Variants in SYNPO2 observed in about 807,000 individuals in gnomAD.
The protein encoded by SYNPO2 is synaptopodin-2.
In SYNPO2, 56 loss-of-function variants were observed where a neutral mutation model predicts 85.0. That is an observed-to-expected ratio of 0.66 (90% CI 0.53 to 0.82). SYNPO2 has a LOEUF of 0.82. SYNPO2 is among the 40% of genes least tolerant of loss of function. The pLI, the probability that SYNPO2 is intolerant of heterozygous loss-of-function variation, is 0.00. For synonymous variants in SYNPO2, 602 were observed against 591.1 expected, an observed-to-expected ratio of 1.02 and a Z score of -0.27; for missense variants, 1,575 against 1,534.2, an observed-to-expected ratio of 1.03 and a Z score of -0.44.
chr4:118,878,878 C>G (rs764558987), intron 1 of SYNPO2, among the ~76,000 whole-genome samples: 7 of 152,222 alleles, frequency 4.6e-5, no homozygotes, highest in African/African-American at 4.8e-5. Flanking sequence ...CCTTTTCTGT[C>G]TTGTGGATGT....
chr4:118,879,081 G>A (rs1278954585), intron 1 of SYNPO2, among the ~76,000 whole-genome samples: 2 of 152,152 alleles, frequency 1.3e-5, no homozygotes, highest in African/African-American at 2.4e-5. Flanking sequence ...CACTGTTAAG[G>A]TGTGCCACTT....
chr4:118,870,994 C>G (rs1731789113), intron 1 of SYNPO2, among the ~76,000 whole-genome samples: 1 of 152,160 alleles, frequency 6.6e-6, no homozygotes, highest in Non-Finnish European at 1.5e-5. Context: ...CAAGTGACAC[C>G]CAAGACTGCA....
intron 3 of SYNPO2, among the ~76,000 whole-genome samples, chr4:119,028,581 C>T (rs1738079702): frequency 6.6e-6 from 1 of 152,094 alleles, no homozygotes; most frequent in African/African-American, 2.4e-5. Flanking sequence ...AGTTGTATAA[C>T]ACTAGTCAAA....
chr4:119,054,647 TG>T (rs1739155220), intron 4 of SYNPO2, among the ~76,000 whole-genome samples: 1 of 152,092 alleles, frequency 6.6e-6, no homozygotes, highest in African/African-American at 2.4e-5. Flanking sequence ...CGACTGAGTC[TG>T]GGGTCTTTAT....
At position 119,007,216 on chromosome 4, in the gene SYNPO2, G is replaced by GTATATATA. The variant is rs66895824; in HGVS notation, c.106-16192_106-16185dup. 6.6e-3 allele frequency among the ~76,000 whole-genome samples: 303 copies of GTATATATA among 46,180 alleles called. 7 individuals are homozygous for GTATATATA. The highest frequency in any genetic ancestry group is 0.02 in the Middle Eastern group (1 of 50). The allele number at this position is 46,180 out of a possible 152,430, so 30.3% of individuals were successfully genotyped here. ...ATTCCCAAAACAAAAAAGAACAAAG[G>GTATATATA]TATATATATATATATATATATATAT... On this transcript the variant is annotated intron_variant, in intron 1 of 4. Transcript: ENST00000307142.
intron 1 of SYNPO2, among the ~76,000 whole-genome samples, chr4:118,916,488 T>C (rs1037945136): frequency 2.0e-5 from 3 of 152,024 alleles, no homozygotes; most frequent in African/African-American, 4.8e-5. Flanking sequence ...TTTTCTTTTA[T>C]AGTTAATGGT....
Position 119,031,957 on chromosome 4 carries a change from C to T in SYNPO2, c.3182C>T (p.Ser1061Leu), listed in dbSNP as rs777275783. The T allele has an allele frequency of 1.2e-6, 2 of 1,614,256 alleles. No individual in the cohort carries two copies. The highest frequency in any genetic ancestry group is 1.7e-6 in the Non-Finnish European group (2 of 1,180,046). ...ATTCCCACCTCGCCAAAGCAAGAAT[C>T]AGCCTCATCATCTTATTTTGTGGCA... ...VGIPTSPKQESASSSYFVAPR... is the reference protein window; with the variant it reads ...VGIPTSPKQELASSSYFVAPR... Residue 1061 changes from serine (S) to leucine (L), a missense_variant, in exon 4 of 5, where the codon TCA becomes TTA. Ser to Leu is a moderately radical substitution (Grantham distance 145). This residue lies in a region of SYNPO2 where 1,508 missense variants were observed against 1,446.8 expected (regional missense o/e 1.04). Coordinates refer to ENST00000307142, the MANE Select transcript of SYNPO2 (RefSeq NM_133477.3).
chr4:119,020,980 G>GA (rs5861406), intron 1 of SYNPO2, among the ~76,000 whole-genome samples: 135,760 of 152,158 alleles, frequency 0.89, 60,639 homozygotes, highest in African/African-American at 0.91. Flanking sequence ...TTGGAATATT[G>GA]GTTCATTTAA....
chr4:119,033,723 G>C lies in SYNPO2; in HGVS notation c.3252+1696G>C, dbSNP rs1017514496. 12 of 984,934 alleles carry C rather than the reference G, an allele frequency of 1.2e-5. No individual in the cohort carries two copies. The African/African-American group carries it at 1.9e-4, about 16-fold the overall frequency. The allele number at this position is 984,934 out of a possible 1,614,324, so 61.0% of individuals were successfully genotyped here. On this transcript the variant is annotated intron_variant, in intron 4 of 4. Coordinates refer to ENST00000307142, the MANE Select transcript of SYNPO2 (RefSeq NM_133477.3). ...TTCACTATCCTATTAAAATATTACT[G>C]TCTCCTTTATCTGTTCAATGTCCAT...
intron 4 of SYNPO2, chr4:119,038,253 A>G (rs1465246522): frequency 3.0e-6 from 3 of 985,410 alleles, no homozygotes; most frequent in East Asian, 1.1e-4. Context: ...AGCTTTGACC[A>G]CATTCAATGA....
Position 118,940,271 on chromosome 4 carries a change from G to A in SYNPO2, c.105+51130G>A, listed in dbSNP as rs75131105. Among the ~76,000 whole-genome samples the A allele has an allele frequency of 6.2e-3, 940 of 152,192 alleles. 44 individuals are homozygous for A. In the East Asian group the frequency reaches 0.13, roughly 20 times the overall value. On this transcript the variant is annotated intron_variant, in intron 1 of 4. Transcript: ENST00000307142. ...CAAAGTGGTGGGATTACAGGTGTGA[G>A]TCACTGCGCCTGGCCGCCTTTTCTC...
chr4:118,998,815 T>G (rs1232676465), intron 1 of SYNPO2, among the ~76,000 whole-genome samples: 1 of 152,192 alleles, frequency 6.6e-6, no homozygotes, highest in East Asian at 1.9e-4. Flanking sequence ...GGATCAAAGT[T>G]TGAGATTAAC....
intron 1 of SYNPO2, among the ~76,000 whole-genome samples, chr4:119,009,451 CAATAGAGTTAATA>C (rs1737207903): frequency 6.6e-6 from 1 of 152,106 alleles, no homozygotes; most frequent in African/African-American, 2.4e-5. Context: ...ATTTGAAGCT[CAATAGAGTTAATA>C]ATATGGTTCC....
chr4:118,982,951 C>T (rs1275120788), intron 1 of SYNPO2, among the ~76,000 whole-genome samples: 1 of 129,254 alleles, frequency 7.7e-6, no homozygotes, highest in Non-Finnish European at 1.8e-5. Context: ...ATGGAAGCTA[C>T]TCAGATGAGT....
At chr4:118,992,523 A>G (rs925039132) in intron 1 of SYNPO2, among the ~76,000 whole-genome samples, 2 of 152,176 alleles carry the variant, frequency 1.3e-5, no homozygotes, top group Non-Finnish European at 2.9e-5. Context: ...GTATACTCAT[A>G]AAAGTGAAAG....
intron 4 of SYNPO2, among the ~76,000 whole-genome samples, chr4:119,052,728 T>C (rs1739092629): frequency 6.6e-6 from 1 of 152,092 alleles, no homozygotes; most frequent in Non-Finnish European, 1.5e-5. Flanking sequence ...GAAATTGGAG[T>C]TTGTTATTTC....
chr4:119,045,791 A>G (rs1738853059), intron 4 of SYNPO2, among the ~76,000 whole-genome samples: 1 of 152,206 alleles, frequency 6.6e-6, no homozygotes, highest in Non-Finnish European at 1.5e-5. Context: ...AGCAATCCCA[A>G]CTACTTAAAT....
At chr4:118,974,560 A>G (rs1735653041) in intron 1 of SYNPO2, among the ~76,000 whole-genome samples, 1 of 152,254 alleles carries the variant, frequency 6.6e-6, no homozygotes, top group African/African-American at 2.4e-5. Context: ...TAATTCAACA[A>G]TTTGATTGAT....
chr4:118,980,684 A>T (rs1040235217), intron 1 of SYNPO2, among the ~76,000 whole-genome samples: 5 of 152,252 alleles, frequency 3.3e-5, no homozygotes, highest in Non-Finnish European at 7.3e-5. Context: ...CTATCACAGC[A>T]TAAAGTAGCT....
Sources: allele counts gnomAD v4.1 joint callset (sites outside exome capture counted in the v4.1 genomes callset), GRCh38; gene constraint gnomAD v4.1.1; regional missense constraint gnomAD v4.1.1; transcripts MANE v1.5; gene names NCBI Gene and HGNC (gene_info 2026-07-23, HGNC 2026-07-21).